The following FANCA variants were observed in gnomAD, a reference collection of about 807,000 sequenced individuals.
The protein encoded by FANCA is Fanconi anemia group A protein.
In FANCA, 236 loss-of-function variants were observed where a neutral mutation model predicts 194.3. The ratio of observed to expected loss-of-function variants is 1.21; its 90% CI spans 1.09 to 1.35. The LOEUF is 1.35. Ranked by LOEUF, FANCA falls within the 40% of genes most tolerant of loss-of-function variation. The probability of loss-of-function intolerance (pLI) is 0.00; values close to 1 mark genes in which losing one functional copy is unlikely to be tolerated. For synonymous variants in FANCA, 1,014 were observed against 715.8 expected (o/e 1.42, Z -6.65); for missense variants, 2,628 against 1,813.9 (o/e 1.45, Z -8.15).
intron 33 of FANCA, among the ~76,000 whole-genome samples, chr16:89,747,963 A>G (rs2038448493): frequency 6.6e-6 from 1 of 152,108 alleles, no homozygotes; most frequent in South Asian, 2.1e-4. Context: ...CCCAGGCTGG[A>G]GTGTAGTGGT....
chr16:89,766,084 CCT>C (rs1373684383), intron 27 of FANCA, among the ~76,000 whole-genome samples: 4 of 151,710 alleles, frequency 2.6e-5, no homozygotes, highest in Non-Finnish European at 5.9e-5. Context: ...GCAACCTTTG[CCT>C]CCCTGGTTCA....
chr16:89,805,456 G>A (rs761498395), intron 6 of FANCA, 64 bp from the exon 7 acceptor site: 7 of 1,342,572 alleles, frequency 5.2e-6, no homozygotes, highest in Non-Finnish European at 7.4e-6. Context: ...GGATTGAGTT[G>A]AGCCATATGT....
chr16:89,792,392 G>C (rs1278594812), intron 12 of FANCA, 79 bp downstream of exon 12: 6 of 1,448,032 alleles, frequency 4.1e-6, no homozygotes, highest in Non-Finnish European at 5.8e-6. Context: ...GTCCACGGCA[G>C]GCAGCATGAC....
chr16:89,780,067 C>A, intron 17 of FANCA, 110 bp from the exon 18 acceptor site: 64 of 941,220 alleles, frequency 6.8e-5, no homozygotes, highest in Non-Finnish European at 7.2e-5. Context: ...GCTCTGTACA[C>A]ATTAAAGGTA....
At chr16:89,777,503 A>C (rs565083043) in intron 20 of FANCA, among the ~76,000 whole-genome samples, 114 of 152,026 alleles carry the variant, frequency 7.5e-4, no homozygotes, top group Non-Finnish European at 4.4e-4. Context: ...AGGTGGGTGG[A>C]TCACAAGATC....
Position 89,775,745 on chromosome 16 carries a change from C to CT in FANCA, c.1896dup (p.Glu633ArgfsTer15). On this transcript the variant is annotated frameshift_variant, in exon 21 of 43. Coordinates refer to ENST00000389301, the MANE Select transcript of FANCA (RefSeq NM_000135.4). LOFTEE classifies it high-confidence loss of function. ...GACAAGCGGCCCAGGAACTTACCTT[C>CT]TGGCTTCTCTTCAGCAGCAGAGCAG... 6.2e-7 allele frequency: 1 copy of CT among 1,611,464 alleles called. No individual in the cohort carries two copies. Among genetic ancestry groups the CT allele is most frequent in the Non-Finnish European group, 8.5e-7 (1 of 1,178,722 alleles).
intron 11 of FANCA, 84 bp from the exon 12 acceptor site, chr16:89,792,631 G>GACCCT: frequency 8.5e-7 from 1 of 1,173,046 alleles, no homozygotes. Flanking sequence ...CCACAGGGTC[G>GACCCT]GTGGGTCTCT....
At chr16:89,795,323 T>TAAAA (rs1555564093) in intron 11 of FANCA, among the ~76,000 whole-genome samples, 27 of 147,956 alleles carry the variant, frequency 1.8e-4, no homozygotes, top group African/African-American at 3.6e-4. Context: ...AATAAATAAA[T>TAAAA]AAAATAAAGA....
chr16:89,740,636 C>CA (rs371709074), intron 38 of FANCA, 168 bp downstream of exon 38: 80,587 of 446,986 alleles, frequency 0.18, 11 homozygotes, highest in Middle Eastern at 0.21. Flanking sequence ...ACCCCCATCT[C>CA]AAAAAAAAAA....
At chr16:89,774,725 G>T (rs1279012044) in intron 21 of FANCA, among the ~76,000 whole-genome samples, 1 of 12,462 alleles carries the variant, frequency 8.0e-5, no homozygotes, top group Non-Finnish European at 2.8e-4. Flanking sequence ...GCGAGACTCT[G>T]TCTCAAAAAA....
At chr16:89,775,949 CTGT>C in intron 20 of FANCA, 134 bp from the exon 21 acceptor site, 2 of 447,588 alleles carry the variant, frequency 4.5e-6, no homozygotes, top group South Asian at 3.3e-5. Flanking sequence ...CAGTATGAGC[CTGT>C]TTTTACAAAA....
intron 32 of FANCA, among the ~76,000 whole-genome samples, chr16:89,749,445 T>A (rs2038505304): frequency 6.6e-6 from 1 of 152,250 alleles, no homozygotes; most frequent in Admixed American, 6.5e-5. Context: ...CAGGCTGGTC[T>A]CAAACTCCTG....
rs750757532 is a variant in FANCA at position 89,810,810 on chromosome 16, G to A, written c.427-8C>T. ...CAGGGAAGACAGCTTCTTCTGAAAA[G>A]AGAGATTACATTTTTTAAAAAACAA... On this transcript the variant is annotated splice_region_variant and splice_polypyrimidine_tract_variant and intron_variant, in intron 4 of 42. Coordinates refer to ENST00000389301, the MANE Select transcript of FANCA (RefSeq NM_000135.4). 3.7e-6 allele frequency: 6 copies of A among 1,612,234 alleles called. No homozygotes were observed. Among genetic ancestry groups the A allele is most frequent in the South Asian group, 2.2e-5 (2 of 91,054 alleles).
chr16:89,814,846 C>A (rs964938870), intron 2 of FANCA, among the ~76,000 whole-genome samples: 2 of 151,842 alleles, frequency 1.3e-5, no homozygotes, highest in Admixed American at 1.3e-4. Context: ...GAGGCTGAGA[C>A]GGGAGAATCA....
Position 89,774,729 on chromosome 16 carries a change from C to CAAAAAAAA in FANCA, c.1900+1005_1900+1012dup, listed in dbSNP as rs780078944. Among the ~76,000 whole-genome samples, 49 of 22,196 alleles carry CAAAAAAAA rather than the reference C, an allele frequency of 2.2e-3. 10 individuals carry two copies. Among genetic ancestry groups the CAAAAAAAA allele is most frequent in the East Asian group, 6.3e-3 (6 of 956 alleles). 14.6% of individuals were successfully genotyped at this position (22,196 alleles called of 152,430 possible). On this transcript the variant is annotated intron_variant, in intron 21 of 42. Coordinates refer to ENST00000389301, the MANE Select transcript of FANCA (RefSeq NM_000135.4). ...TGGGCAACAGAGCGAGACTCTGTCTCAAAAAAAAAAAAAAAAAAAAAAAAA... is the reference window on the plus strand; with the variant it reads ...TGGGCAACAGAGCGAGACTCTGTCTCAAAAAAAAAAAAAAAAAAAAAAAAAAAAAAAAA...
intron 7 of FANCA, among the ~76,000 whole-genome samples, chr16:89,804,793 G>A (rs765694856): frequency 5.9e-5 from 9 of 152,132 alleles, no homozygotes; most frequent in Non-Finnish European, 8.8e-5. Context: ...CAGCACTTTG[G>A]GAGGCCGAGG....
At chr16:89,787,554 G>A (rs573380225) in intron 14 of FANCA, among the ~76,000 whole-genome samples, 1 of 152,094 alleles carries the variant, frequency 6.6e-6, no homozygotes, top group South Asian at 2.1e-4. Flanking sequence ...GCAACATAGT[G>A]AGACACTATG....
Position 89,810,910 on chromosome 16 carries a change from A to G in FANCA, c.426+19T>C. On this transcript the variant is annotated intron_variant, in intron 4 of 42. Transcript: ENST00000389301. Reference sequence around the variant, plus strand: ...AAAGTAACAACGGGCAGGTTTCCTCATCTTTGCTGGTGTCTTACTCTCTGC... The same window carrying G: ...AAAGTAACAACGGGCAGGTTTCCTCGTCTTTGCTGGTGTCTTACTCTCTGC... The G allele has an allele frequency of 6.2e-7, 1 of 1,614,160 alleles. No individual in the cohort carries two copies.
intron 26 of FANCA, among the ~76,000 whole-genome samples, chr16:89,768,098 G>C (rs1463204920): frequency 6.6e-6 from 1 of 152,212 alleles, no homozygotes; most frequent in East Asian, 1.9e-4. Flanking sequence ...TTCAAGACCA[G>C]CTTGGGCAAC....
Sources: allele counts gnomAD v4.1 joint callset (sites outside exome capture counted in the v4.1 genomes callset), GRCh38; gene constraint gnomAD v4.1.1; transcripts MANE v1.5; gene names NCBI Gene and HGNC (gene_info 2026-07-23, HGNC 2026-07-21).